Variants in AFAP1L2 observed in about 807,000 individuals in gnomAD.
AFAP1L2 encodes actin filament-associated protein 1-like 2.
A neutral mutation model predicts 99.3 loss-of-function variants in AFAP1L2; 46 were observed. The ratio of observed to expected loss-of-function variants is 0.46; its 90% confidence interval spans 0.37 to 0.59. The LOEUF is 0.59. AFAP1L2 is among the 20% of genes least tolerant of loss of function. The pLI is 0.00. For missense variants in AFAP1L2, 959 were observed against 1,034.9 expected (o/e 0.93, Z 1.01); for synonymous variants, 397 against 419.1 (o/e 0.95, Z 0.64).
intron 1 of AFAP1L2, among the ~76,000 whole-genome samples, chr10:114,383,288 G>A (rs889634067): frequency 6.6e-6 from 1 of 152,034 alleles, no homozygotes; most frequent in Non-Finnish European, 1.5e-5. Flanking sequence ...TTACCATAGG[G>A]GTTGGAAAGG....
At chr10:114,317,440 C>T (rs1486110244) in intron 5 of AFAP1L2, among the ~76,000 whole-genome samples, 6 of 152,092 alleles carry the variant, frequency 3.9e-5, no homozygotes, top group East Asian at 1.9e-4. Flanking sequence ...TAGGTGACAA[C>T]GTAAATTAAC....
rs569230375 is a variant in AFAP1L2, at chr10:114,373,366, C to T, written c.16+31074G>A. ...TTTGGCTGGGCACAGTGGCTCATGC[C>T]TGTGATCTCAGCACTTTGGGAGGCT... On this transcript the variant is annotated intron_variant, in intron 1 of 18. Transcript: ENST00000304129. Among the ~76,000 whole-genome samples the T allele has an allele frequency of 1.4e-4, 21 of 152,328 alleles. No individual in the cohort carries two copies. In the South Asian group the frequency reaches 3.5e-3, roughly 26 times the overall value.
chr10:114,314,151 G>T (rs2043735683), intron 6 of AFAP1L2, 101 bp from the exon 7 acceptor site: 1 of 1,224,162 alleles, frequency 8.2e-7, no homozygotes, highest in Non-Finnish European at 1.1e-6. Context: ...CTCACCAAGA[G>T]CCTGACTTAA....
intron 1 of AFAP1L2, among the ~76,000 whole-genome samples, chr10:114,358,589 A>AATT (rs1157264132): frequency 3.9e-5 from 6 of 152,130 alleles, no homozygotes; most frequent in African/African-American, 1.4e-4. Flanking sequence ...CAATAATAAT[A>AATT]ATAATGATCA....
chr10:114,355,430 T>A (rs749312491), intron 1 of AFAP1L2, among the ~76,000 whole-genome samples: 20 of 151,836 alleles, frequency 1.3e-4, no homozygotes, highest in Admixed American at 2.6e-4. Context: ...GATGCTCACA[T>A]CCCTGTGCGA....
chr10:114,290,548 G>T (rs1348818261), downstream of AFAP1L2, among the ~76,000 whole-genome samples: 1 of 152,240 alleles, frequency 6.6e-6, no homozygotes, highest in Non-Finnish European at 1.5e-5. Context: ...TCTCAGTGCA[G>T]GAACATAGCA....
chr10:114,308,011 A>C (rs2134368511), intron 9 of AFAP1L2, 102 bp from the exon 10 acceptor site: 1 of 948,614 alleles, frequency 1.1e-6, no homozygotes, highest in East Asian at 2.5e-5. Flanking sequence ...CCATCCACCC[A>C]TCCCTCCCCG....
chr10:114,369,674 T>G (rs1353304114), intron 1 of AFAP1L2, among the ~76,000 whole-genome samples: 1 of 151,836 alleles, frequency 6.6e-6, no homozygotes, highest in Non-Finnish European at 1.5e-5. Context: ...TGAGCCCTCA[T>G]GAACCCATTT....
At position 114,297,273 on chromosome 10, in the gene AFAP1L2, C is replaced by G. The variant is rs747518619; in HGVS notation, c.2254G>C (p.Val752Leu). Residue 752 changes from valine to leucine, a missense_variant, in exon 17 of 19, where the codon GTG becomes CTG. Around this residue, in one of 2 missense-constraint regions of AFAP1L2, gnomAD observed 576 missense variants for 562.1 expected, o/e 1.02. Coordinates refer to ENST00000304129, the MANE Select transcript of AFAP1L2 (RefSeq NM_001001936.3). The stretch of plus-strand genomic sequence containing the variant: ...GTGTCCACGGTGGTGCCTAACGTCA[C>G]AGGCCCTGCCTCAGCCTTCTTCAGG... Reference protein sequence around the residue: ...DNLKKAEAGPVTLGTTVDTTH... With the variant: ...DNLKKAEAGPLTLGTTVDTTH... 3 of 1,613,872 alleles carry G rather than the reference C, an allele frequency of 1.9e-6. No homozygotes were observed. The highest frequency in any genetic ancestry group is 2.2e-5 in the South Asian group (2 of 91,080).
chr10:114,356,500 A>G (rs1564966804), intron 1 of AFAP1L2, among the ~76,000 whole-genome samples: 1 of 152,242 alleles, frequency 6.6e-6, no homozygotes, highest in Non-Finnish European at 1.5e-5. Context: ...TCTTAAAATT[A>G]ACTTCATCTA....
intron 1 of AFAP1L2, among the ~76,000 whole-genome samples, chr10:114,343,116 A>C (rs1270587695): frequency 6.6e-6 from 1 of 152,250 alleles, no homozygotes; most frequent in Admixed American, 6.5e-5. Flanking sequence ...GGCAGGTCCT[A>C]TCTAGCCAAA....
Position 114,299,255 on chromosome 10 carries a change from C to CT in AFAP1L2, c.2113+4dup. 1 of 1,614,162 alleles carries CT rather than the reference C, an allele frequency of 6.2e-7. No homozygotes were observed. The highest frequency in any genetic ancestry group is 1.1e-5 in the South Asian group (1 of 91,084). On this transcript the variant is annotated splice_donor_region_variant and intron_variant, in intron 16 of 18. Transcript: ENST00000304129. Reference sequence around the variant, plus strand: ...AGGGTCCCTCCCCACTGGGGGCCCCCTTACCTGTGCATTTCAGTAGGGTTT... The same window carrying CT: ...AGGGTCCCTCCCCACTGGGGGCCCCCTTTACCTGTGCATTTCAGTAGGGTTT...
intron 4 of AFAP1L2, among the ~76,000 whole-genome samples, chr10:114,324,961 G>A (rs926348782): frequency 1.5e-4 from 23 of 152,200 alleles, no homozygotes; most frequent in African/African-American, 5.5e-4. Flanking sequence ...TAGCCCCTGT[G>A]GGACAGTCCT....
chr10:114,287,543 C>G, the AFAP1L2 span, among the ~76,000 whole-genome samples: 2 of 152,124 alleles, frequency 1.3e-5, no homozygotes, highest in African/African-American at 4.8e-5. Context: ...TGTGATTCTG[C>G]TTCTCAGCCC....
At chr10:114,335,786 A>C (rs1361216677) in intron 2 of AFAP1L2, among the ~76,000 whole-genome samples, 4 of 152,314 alleles carry the variant, frequency 2.6e-5, no homozygotes, top group Middle Eastern at 3.4e-3. Flanking sequence ...ATAGCAAAAA[A>C]AGAAACAGTA....
At chr10:114,301,534 G>C in intron 12 of AFAP1L2, 69 bp from the exon 13 acceptor site, 1 of 1,174,948 alleles carries the variant, frequency 8.5e-7, no homozygotes, top group East Asian at 2.3e-5. Context: ...AGACTCCAAG[G>C]ATTCCCAGTG....
At chr10:114,368,451 G>C (rs1016736679) in intron 1 of AFAP1L2, among the ~76,000 whole-genome samples, 1 of 152,094 alleles carries the variant, frequency 6.6e-6, no homozygotes, top group Non-Finnish European at 1.5e-5. Context: ...ACAGGGTCTC[G>C]TACCATCACC....
At chr10:114,346,523 A>C (rs2049603030) in intron 1 of AFAP1L2, among the ~76,000 whole-genome samples, 1 of 152,142 alleles carries the variant, frequency 6.6e-6, no homozygotes, top group Admixed American at 6.5e-5. Context: ...TGCCAACCTC[A>C]GTGACATTTA....
chr10:114,319,456 G>A (rs866158212), intron 5 of AFAP1L2: 74 of 856,442 alleles, frequency 8.6e-5, no homozygotes, highest in African/African-American at 6.8e-4. Flanking sequence ...ACTCATGCAC[G>A]AGGACAGGAA....
Sources: allele counts gnomAD v4.1 joint callset (sites outside exome capture counted in the v4.1 genomes callset), GRCh38; gene constraint gnomAD v4.1.1; regional missense constraint gnomAD v4.1.1; transcripts MANE v1.5; gene names NCBI Gene and HGNC (gene_info 2026-07-23, HGNC 2026-07-21).